The following LRRTM3 variants were observed in gnomAD, a reference collection of about 807,000 sequenced individuals.
LRRTM3 encodes leucine-rich repeat transmembrane neuronal protein 3.
A neutral mutation model predicts 44.7 loss-of-function variants in LRRTM3; 24 were observed. That is an observed-to-expected ratio of 0.54 (90% CI 0.39 to 0.76). The LOEUF (loss-of-function observed/expected upper bound fraction) is 0.76. LRRTM3 is among the 30% of genes least tolerant of loss of function. The pLI is 0.00. For synonymous variants in LRRTM3, 277 were observed against 278.7 expected, an observed-to-expected ratio of 0.99 and a Z score of 0.06; for missense variants, 587 against 702.2, an observed-to-expected ratio of 0.84 and a Z score of 1.85.
In LRRTM3 at chr10:66,962,954, G is replaced by A. The variant is rs922013743; in HGVS notation, c.1536+34502G>A. ...CTCCCCAGTGCCTGGCATAAGGCAA[G>A]AATTCAATAAGTAGTTGTTGACTGA... On this transcript the variant is annotated intron_variant, in intron 2 of 2. Transcript: ENST00000361320. 7.3e-5 allele frequency among the ~76,000 whole-genome samples: 11 copies of A among 151,006 alleles called. 1 individual carries two copies. Among genetic ancestry groups the A allele is most frequent in the Admixed American group, 2.0e-4 (3 of 15,142 alleles).
At chr10:67,091,556 A>C (rs1216567679) in intron 2 of LRRTM3, among the ~76,000 whole-genome samples, 2 of 152,088 alleles carry the variant, frequency 1.3e-5, no homozygotes, top group East Asian at 3.9e-4. Context: ...CATTTAAATT[A>C]AAAATATAGC....
chr10:67,025,219 C>T (rs759435819), intron 2 of LRRTM3, among the ~76,000 whole-genome samples: 4 of 151,410 alleles, frequency 2.6e-5, no homozygotes, highest in African/African-American at 7.3e-5. Flanking sequence ...GTATCACCCA[C>T]CAATTGGCAC....
intron 2 of LRRTM3, among the ~76,000 whole-genome samples, chr10:66,979,793 A>T (rs1390416514): frequency 6.6e-6 from 1 of 152,152 alleles, no homozygotes; most frequent in Non-Finnish European, 1.5e-5. Flanking sequence ...AATTTCCCAA[A>T]ATTTTATTCT....
At chr10:67,062,751 T>C (rs1229155251) in intron 2 of LRRTM3, among the ~76,000 whole-genome samples, 2 of 152,176 alleles carry the variant, frequency 1.3e-5, no homozygotes, top group East Asian at 3.9e-4. Flanking sequence ...CCAGCATGGT[T>C]CCAAATTTGA....
At chr10:67,057,972 T>C (rs1001447490) in intron 2 of LRRTM3, among the ~76,000 whole-genome samples, 4 of 152,132 alleles carry the variant, frequency 2.6e-5, no homozygotes, top group African/African-American at 4.8e-5. Context: ...TCCAGAATGA[T>C]AGGCAATCAG....
intron 2 of LRRTM3, among the ~76,000 whole-genome samples, chr10:67,034,432 T>G (rs988599645): frequency 6.6e-6 from 1 of 152,198 alleles, no homozygotes; most frequent in African/African-American, 2.4e-5. Flanking sequence ...TACTTCTATG[T>G]TGGTTTATGA....
At chr10:66,949,828 G>A (rs1208336209) in intron 2 of LRRTM3, among the ~76,000 whole-genome samples, 1 of 152,182 alleles carries the variant, frequency 6.6e-6, no homozygotes, top group East Asian at 1.9e-4. Context: ...CACATGTTTT[G>A]TGATTCTAAC....
intron 2 of LRRTM3, among the ~76,000 whole-genome samples, chr10:66,999,609 C>T (rs1419086668): frequency 1.3e-5 from 2 of 152,144 alleles, no homozygotes; most frequent in Non-Finnish European, 2.9e-5. Context: ...TAAATGCCAA[C>T]CTATAAATGG....
At chr10:67,076,061 T>C (rs1856731076) in intron 2 of LRRTM3, among the ~76,000 whole-genome samples, 2 of 152,198 alleles carry the variant, frequency 1.3e-5, no homozygotes, top group African/African-American at 4.8e-5. Flanking sequence ...CACACCTCCA[T>C]TTCACATTTT....
At chr10:67,038,485 A>G (rs1025252962) in intron 2 of LRRTM3, among the ~76,000 whole-genome samples, 1 of 152,106 alleles carries the variant, frequency 6.6e-6, no homozygotes, top group African/African-American at 2.4e-5. Flanking sequence ...GAGCTCAGGA[A>G]AAGGACAACT....
At chr10:66,969,042 A>C (rs906124086) in intron 2 of LRRTM3, among the ~76,000 whole-genome samples, 3 of 151,876 alleles carry the variant, frequency 2.0e-5, no homozygotes, top group Non-Finnish European at 2.9e-5. Context: ...ATAAACAAAT[A>C]TTATATGTAA....
chr10:66,956,141 A>G (rs1848780811), intron 2 of LRRTM3, among the ~76,000 whole-genome samples: 1 of 151,896 alleles, frequency 6.6e-6, no homozygotes, highest in Admixed American at 6.6e-5. Context: ...GTTAGCCTTC[A>G]TATTTCCTAC....
At chr10:66,931,519 A>T (rs1274005687) in intron 2 of LRRTM3, among the ~76,000 whole-genome samples, 1 of 152,236 alleles carries the variant, frequency 6.6e-6, no homozygotes, top group African/African-American at 2.4e-5. Flanking sequence ...GTAGACAGGC[A>T]GTAAATTGTC....
intron 2 of LRRTM3, among the ~76,000 whole-genome samples, chr10:67,028,604 A>G (rs10822964): frequency 0.9 from 136,335 of 150,968 alleles, 61,987 homozygotes; most frequent in South Asian, 0.97. Flanking sequence ...TTTCCAGGCC[A>G]AGAAGGAAGT....
intron 2 of LRRTM3, among the ~76,000 whole-genome samples, chr10:67,009,839 T>A (rs1925621): frequency 0.53 from 80,419 of 151,972 alleles, 21,977 homozygotes; most frequent in Middle Eastern, 0.74. Flanking sequence ...GCTAAAAACA[T>A]ATCCTTTTGC....
At chr10:67,091,367 T>C (rs10740267) in intron 2 of LRRTM3, among the ~76,000 whole-genome samples, 30,346 of 151,696 alleles carry the variant, frequency 0.2, 5,003 homozygotes, top group African/African-American at 0.46. Flanking sequence ...AATATATACA[T>C]GTATATATTT....
At chr10:66,964,262 C>T (rs1849279963) in intron 2 of LRRTM3, among the ~76,000 whole-genome samples, 2 of 151,436 alleles carry the variant, frequency 1.3e-5, no homozygotes, top group African/African-American at 4.9e-5. Flanking sequence ...GAGGATTCTA[C>T]ATTGAAGAGC....
intron 2 of LRRTM3, among the ~76,000 whole-genome samples, chr10:67,066,445 C>A (rs2131833669): frequency 6.6e-6 from 1 of 151,808 alleles, no homozygotes; most frequent in South Asian, 2.1e-4. Flanking sequence ...CCTGCCTTGG[C>A]CTCCCAAAGT....
At chr10:67,002,053 A>G (rs1221382462) in intron 2 of LRRTM3, among the ~76,000 whole-genome samples, 2 of 152,176 alleles carry the variant, frequency 1.3e-5, no homozygotes, top group Non-Finnish European at 2.9e-5. Flanking sequence ...GACCATACTC[A>G]AGCTTTATTA....
Sources: gnomAD v4.1 joint callset for allele counts (sites outside exome capture counted in the v4.1 genomes callset) on GRCh38, gnomAD v4.1.1 for gene constraint, MANE v1.5 for transcripts, NCBI Gene and HGNC (gene_info 2026-07-23, HGNC 2026-07-21) for gene names.